PNLIPRP1: variants seen among roughly 807,000 people sequenced by gnomAD.
The protein encoded by PNLIPRP1 is inactive pancreatic lipase-related protein 1.
Under a neutral mutation model 54.6 loss-of-function variants are expected in PNLIPRP1, and 57 were observed. The ratio of observed to expected loss-of-function variants is 1.04; its 90% CI spans 0.84 to 1.30. The LOEUF (loss-of-function observed/expected upper bound fraction) is 1.30. Ranked by LOEUF, PNLIPRP1 falls within the 50% of genes most tolerant of loss-of-function variation. The pLI, the probability that PNLIPRP1 is intolerant of heterozygous loss-of-function variation, is 0.00. For missense variants in PNLIPRP1, 567 were observed against 568.5 expected, an observed-to-expected ratio of 1.00 and a Z score of 0.03; for synonymous variants, 232 against 208.8, an observed-to-expected ratio of 1.11 and a Z score of -0.96.
intron 10 of PNLIPRP1, 108 bp downstream of exon 10, chr10:116,601,309 CT>C: frequency 9.6e-7 from 1 of 1,037,224 alleles, no homozygotes; most frequent in Non-Finnish European, 1.4e-6. Flanking sequence ...TTTTAATTAT[CT>C]TAGAAATGGA....
intron 4 of PNLIPRP1, chr10:116,592,761 A>C: frequency 1.6e-6 from 1 of 622,300 alleles, no homozygotes; most frequent in Non-Finnish European, 2.9e-6. Context: ...CTACTACCTA[A>C]TTTCTGGTTA....
chr10:116,601,259 A>G (rs1554864748), intron 10 of PNLIPRP1, 58 bp downstream of exon 10: 1 of 1,485,478 alleles, frequency 6.7e-7, no homozygotes, highest in Non-Finnish European at 9.2e-7. Flanking sequence ...TCTGTTACAA[A>G]TGAGGGGCTT....
intron 10 of PNLIPRP1, among the ~76,000 whole-genome samples, chr10:116,602,185 T>A (rs1260043679): frequency 3.3e-5 from 5 of 152,226 alleles, no homozygotes; most frequent in African/African-American, 1.2e-4. Context: ...CAGGCTAATT[T>A]TTTTTTTACA....
chr10:116,606,812 C>A (rs1036157520), intron 12 of PNLIPRP1, among the ~76,000 whole-genome samples: 1 of 152,154 alleles, frequency 6.6e-6, no homozygotes, highest in Admixed American at 6.5e-5. Context: ...TCAGCTGTCA[C>A]CTGCATTCCA....
At chr10:116,597,742 T>C in intron 6 of PNLIPRP1, 86 bp from the exon 7 acceptor site, 1 of 1,517,802 alleles carries the variant, frequency 6.6e-7, no homozygotes, top group South Asian at 1.2e-5. Context: ...AGTTGGGCAG[T>C]GCATAGCCCG....
chr10:116,595,108 C>A, intron 5 of PNLIPRP1: 1 of 472,226 alleles, frequency 2.1e-6, no homozygotes, highest in Non-Finnish European at 3.8e-6. Flanking sequence ...AAACTGAGGC[C>A]CAGAAAGTTT....
chr10:116,592,330 G>A (rs1289011406), intron 3 of PNLIPRP1, 86 bp from the exon 4 acceptor site: 23 of 1,441,070 alleles, frequency 1.6e-5, no homozygotes, highest in Middle Eastern at 2.4e-4. Context: ...GAAAAGTAGA[G>A]GCATTGGCGC....
rs782083960 is a variant in PNLIPRP1 at position 116,597,810 on chromosome 10, G to A, written c.575-18G>A. 3.1e-6 allele frequency: 5 copies of A among 1,613,954 alleles called. No homozygotes were observed. The African/African-American group carries it at 4.0e-5, about 13-fold the overall frequency. ...ACAGTCAGGTCTATTGTTCTGCAGT[G>A]CTGATCATCTCTTTTAGGGTTGGAT... On this transcript the variant is annotated intron_variant, in intron 6 of 12. Transcript: ENST00000358834.
At chr10:116,594,510 T>G in intron 4 of PNLIPRP1, 1 of 605,814 alleles carries the variant, frequency 1.7e-6, no homozygotes, top group South Asian at 1.9e-5. Context: ...AGTAGCCAGC[T>G]TCCAATTAAT....
chr10:116,604,224 T>C, intron 11 of PNLIPRP1, 86 bp downstream of exon 11: 2 of 654,550 alleles, frequency 3.1e-6, no homozygotes, highest in Non-Finnish European at 5.3e-6. Flanking sequence ...TTATCATCTC[T>C]TTATATGTCA....
At chr10:116,591,747 A>G in intron 2 of PNLIPRP1, 24 bp from the exon 3 acceptor site, 2 of 1,613,184 alleles carry the variant, frequency 1.2e-6, no homozygotes, top group Non-Finnish European at 1.7e-6. Flanking sequence ...CAAATCCTTG[A>G]GCAGATTCAA....
intron 12 of PNLIPRP1, among the ~76,000 whole-genome samples, chr10:116,606,604 T>A (rs1847940806): frequency 6.6e-6 from 1 of 152,146 alleles, no homozygotes; most frequent in Non-Finnish European, 1.5e-5. Flanking sequence ...GTTAAAAACA[T>A]GTCAGGTGGT....
chr10:116,591,768 T>C lies in PNLIPRP1; in HGVS notation c.50-3T>C, dbSNP rs782469779. The C allele has an allele frequency of 6.2e-7, 1 of 1,614,028 alleles. No homozygotes were observed. Among genetic ancestry groups the C allele is most frequent in the East Asian group, 2.2e-5 (1 of 44,866 alleles). ...CTTGAGCAGATTCAACCTTTCTCTG[T>C]AGGAAAAGAAGTTTGCTATGAGGAC... On this transcript the variant is annotated splice_region_variant and splice_polypyrimidine_tract_variant and intron_variant, in intron 2 of 12. Coordinates refer to ENST00000358834, the MANE Select transcript of PNLIPRP1 (RefSeq NM_006229.4).
At chr10:116,603,089 A>T (rs1346282604) in intron 10 of PNLIPRP1, among the ~76,000 whole-genome samples, 1 of 152,144 alleles carries the variant, frequency 6.6e-6, no homozygotes, top group Non-Finnish European at 1.5e-5. Context: ...GTTTGTGTAT[A>T]TGTATTTGTA....
In PNLIPRP1 at chr10:116,602,314, C is replaced by T. The variant is rs1036954051; in HGVS notation, c.1063+1113C>T. Among the ~76,000 whole-genome samples, 24 of 148,990 alleles carry T rather than the reference C, an allele frequency of 1.6e-4. No homozygotes were observed. The Middle Eastern group carries it at 0.01, about 63-fold the overall frequency. On this transcript the variant is annotated intron_variant, in intron 10 of 12. Coordinates refer to ENST00000358834, the MANE Select transcript of PNLIPRP1 (RefSeq NM_006229.4). The stretch of plus-strand genomic sequence containing the variant: ...GATTACAGGCGTGAGCCACCGCACC[C>T]GGCCCACTCTGTGTATTTTTTTTGT...
intron 9 of PNLIPRP1, 172 bp downstream of exon 9, chr10:116,600,337 G>T: frequency 1.9e-6 from 1 of 535,204 alleles, no homozygotes; most frequent in Non-Finnish European, 3.3e-6. Flanking sequence ...GGCAGGAGAT[G>T]GCTAAAATTT....
chr10:116,591,792 A>T lies in PNLIPRP1; in HGVS notation c.71A>T (p.Asp24Val), dbSNP rs782733636. 2.1e-5 allele frequency: 34 copies of T among 1,613,998 alleles called. No individual in the cohort carries two copies. The highest frequency in any genetic ancestry group is 2.9e-5 in the Non-Finnish European group (34 of 1,180,044). ...AAKGKEVCYE[D>V]LGCFSDTEPW... ...GTAGGAAAAGAAGTTTGCTATGAGG[A>T]CCTCGGGTGCTTTTCTGACACTGAG... Residue 24 changes from aspartate to valine, a missense_variant, in exon 3 of 13, where the codon GAC becomes GTC. By Grantham distance (152) the Asp-to-Val change is radical. Transcript: ENST00000358834.
intron 5 of PNLIPRP1, chr10:116,595,228 G>A (rs1012747274): frequency 4.4e-5 from 11 of 251,964 alleles, no homozygotes; most frequent in East Asian, 9.1e-5. Context: ...TCTGTTTCGC[G>A]TGAAACACAG....
At chr10:116,607,505 GGCAGGGAGT>G (rs1178037983) in intron 12 of PNLIPRP1, among the ~76,000 whole-genome samples, 2 of 152,194 alleles carry the variant, frequency 1.3e-5, no homozygotes, top group Admixed American at 6.5e-5. Flanking sequence ...CTCAGGATGA[GGCAGGGAGT>G]AGGAGGGAGG....
Sources: allele counts gnomAD v4.1 joint callset (sites outside exome capture counted in the v4.1 genomes callset), GRCh38; gene constraint gnomAD v4.1.1; transcripts MANE v1.5; gene names NCBI Gene and HGNC (gene_info 2026-07-23, HGNC 2026-07-21).